Variants in MDFIC observed in about 807,000 individuals in gnomAD.
MDFIC encodes MyoD family inhibitor domain containing, also known as myoD family inhibitor domain-containing protein.
Under a neutral mutation model 23.2 loss-of-function variants are expected in MDFIC, and 17 were observed. The ratio of observed to expected loss-of-function variants is 0.73; its 90% CI spans 0.50 to 1.10. MDFIC has a LOEUF of 1.10. MDFIC is among the 50% of genes least tolerant of loss of function. The pLI is 0.00. For missense variants in MDFIC, 356 were observed against 316.6 expected (o/e 1.12, Z -0.95); for synonymous variants, 120 against 115.2 (o/e 1.04, Z -0.27).
chr7:115,014,454 G>GATGGA, intron 4 of MDFIC: 2 of 1,289,548 alleles, frequency 1.6e-6, no homozygotes, highest in African/African-American at 1.5e-5. Context: ...CTACATCTTT[G>GATGGA]GTTTTCAGTT....
intron 3 of MDFIC, among the ~76,000 whole-genome samples, chr7:114,952,511 T>G (rs1248896086): frequency 6.6e-6 from 1 of 152,124 alleles, no homozygotes; most frequent in Non-Finnish European, 1.5e-5. Context: ...GTCCCTGAGT[T>G]CTGCAGCAAG....
intron 4 of MDFIC, among the ~76,000 whole-genome samples, chr7:114,991,705 C>T (rs2709470): frequency 0.42 from 64,337 of 151,930 alleles, 13,795 homozygotes; most frequent in Middle Eastern, 0.47. Context: ...TTCCATTGGT[C>T]TATATCTCTG....
chr7:114,997,756 G>GAAAAAA (rs763082935), intron 4 of MDFIC, among the ~76,000 whole-genome samples: 1 of 51,404 alleles, frequency 1.9e-5, no homozygotes, highest in African/African-American at 8.1e-5. Context: ...CATCTAAACA[G>GAAAAAA]AAAAAAAAAA....
At chr7:114,931,627 A>G (rs1792309745) in intron 2 of MDFIC, among the ~76,000 whole-genome samples, 1 of 152,232 alleles carries the variant, frequency 6.6e-6, no homozygotes, top group Admixed American at 6.5e-5. Flanking sequence ...TATCAATTCA[A>G]GATTAAAATA....
chr7:114,998,643 T>C (rs1042524461), intron 4 of MDFIC, among the ~76,000 whole-genome samples: 41 of 152,170 alleles, frequency 2.7e-4, no homozygotes, highest in African/African-American at 9.9e-4. Flanking sequence ...TTTATATTTT[T>C]TATTATTGCC....
intron 2 of MDFIC, among the ~76,000 whole-genome samples, chr7:114,923,917 A>G (rs1379459865): frequency 6.6e-6 from 1 of 152,228 alleles, no homozygotes; most frequent in Non-Finnish European, 1.5e-5. Flanking sequence ...TAATTTTTCC[A>G]GTGCTCAAAA....
At chr7:114,936,973 T>G (rs4730658) in intron 2 of MDFIC, among the ~76,000 whole-genome samples, 1 of 151,952 alleles carries the variant, frequency 6.6e-6, no homozygotes, top group South Asian at 2.1e-4. Context: ...ATGGCATATA[T>G]CATATTTTAT....
At position 114,950,072 on chromosome 7, in the gene MDFIC, G is replaced by A. The variant is rs113614503; in HGVS notation, c.217+7675G>A. 2.5e-3 allele frequency among the ~76,000 whole-genome samples: 381 copies of A among 152,232 alleles called. 1 individual carries two copies. The highest frequency in any genetic ancestry group is 4.1e-3 in the Non-Finnish European group (282 of 68,020). ...TAAGGGAAGATAGAAAGTATTGAAG[G>A]GAGTAGTGACTTAATCAACATTGTG... On this transcript the variant is annotated intron_variant, in intron 3 of 4. Transcript: ENST00000393486.
chr7:114,974,719 A>C (rs1585109572), intron 3 of MDFIC, among the ~76,000 whole-genome samples: 1 of 152,130 alleles, frequency 6.6e-6, no homozygotes, highest in Non-Finnish European at 1.5e-5. Flanking sequence ...GTTTTTTAAA[A>C]AAATTGTCAA....
At chr7:114,986,447 A>C (rs1456575409) in intron 4 of MDFIC, among the ~76,000 whole-genome samples, 2 of 152,178 alleles carry the variant, frequency 1.3e-5, no homozygotes, top group African/African-American at 4.8e-5. Flanking sequence ...CAATTAGAAA[A>C]GCCCATAAAG....
In MDFIC at chr7:114,922,306, A is replaced by G. The variant is rs1792095490; in HGVS notation, c.-438A>G. 2 of 888,606 alleles carry G rather than the reference A, an allele frequency of 2.3e-6. No homozygotes were observed. The highest frequency in any genetic ancestry group is 8.6e-5 in the Admixed American group (2 of 23,240). The allele number at this position is 888,606 out of a possible 1,614,324, so 55.0% of individuals were successfully genotyped here. ...TGTGATGAAAAAGAGCAACAGAGGGAGAAGTGTTTCAGGATTGTAGGAGTG... is the reference window on the plus strand; with the variant it reads ...TGTGATGAAAAAGAGCAACAGAGGGGGAAGTGTTTCAGGATTGTAGGAGTG... On this transcript the variant is annotated 5_prime_UTR_variant, in exon 1 of 5. Coordinates refer to ENST00000393486, the MANE Select transcript of MDFIC (RefSeq NM_001166345.3).
intron 3 of MDFIC, among the ~76,000 whole-genome samples, chr7:114,951,603 G>A (rs766041940): frequency 7.2e-4 from 110 of 152,066 alleles, no homozygotes; most frequent in Non-Finnish European, 1.2e-3. Flanking sequence ...ATGAAGTTGA[G>A]TGAAAGCATA....
intron 4 of MDFIC, among the ~76,000 whole-genome samples, chr7:115,001,474 AT>A (rs1355909484): frequency 6.6e-6 from 1 of 152,186 alleles, no homozygotes; most frequent in Admixed American, 6.5e-5. Flanking sequence ...CAGAAATTGC[AT>A]TTTGGAATGA....
At chr7:114,998,901 G>T (rs968275238) in intron 4 of MDFIC, among the ~76,000 whole-genome samples, 2 of 152,114 alleles carry the variant, frequency 1.3e-5, no homozygotes, top group Admixed American at 1.3e-4. Context: ...ATGTCGAGGG[G>T]TGTGACTGTT....
At chr7:115,014,327 G>C in intron 4 of MDFIC, 1 of 1,243,732 alleles carries the variant, frequency 8.0e-7, no homozygotes, top group Non-Finnish European at 1.0e-6. Context: ...AGCCAAGGAA[G>C]TTATAGTAGA....
chr7:114,962,604 G>T (rs1279457094), intron 3 of MDFIC, among the ~76,000 whole-genome samples: 1 of 152,184 alleles, frequency 6.6e-6, no homozygotes, highest in African/African-American at 2.4e-5. Context: ...TGGAGGAGGA[G>T]TCTGTTTTTT....
intron 1 of MDFIC, 48 bp downstream of exon 1, chr7:114,922,684 C>T: frequency 7.4e-7 from 1 of 1,344,982 alleles, no homozygotes; most frequent in African/African-American, 1.5e-5. Context: ...TGATCCCCAT[C>T]CCCGGGGTTC....
At chr7:115,003,056 A>T (rs1791495004) in intron 4 of MDFIC, among the ~76,000 whole-genome samples, 1 of 152,168 alleles carries the variant, frequency 6.6e-6, no homozygotes, top group Non-Finnish European at 1.5e-5. Context: ...ACACATCGCC[A>T]AAATTTCTCT....
Position 114,982,955 on chromosome 7 carries a change from A to G in MDFIC, c.493+3174A>G, listed in dbSNP as rs1419282206. On this transcript the variant is annotated intron_variant, in intron 4 of 4. Coordinates refer to ENST00000393486, the MANE Select transcript of MDFIC (RefSeq NM_001166345.3). ...ATGAAGCCTCTTTTGTAATGGCCTT[A>G]ATCTCATTAATTAGGGAGAAGCCCT... Among the ~76,000 whole-genome samples, 5 of 152,180 alleles carry G rather than the reference A, an allele frequency of 3.3e-5. No homozygotes were observed. The South Asian group carries it at 8.3e-4, about 25-fold the overall frequency.
Sources: allele counts gnomAD v4.1 joint callset (sites outside exome capture counted in the v4.1 genomes callset), GRCh38; gene constraint gnomAD v4.1.1; transcripts MANE v1.5; gene names NCBI Gene and HGNC (gene_info 2026-07-23, HGNC 2026-07-21).